ADAMTS17: variants seen among roughly 807,000 people sequenced by gnomAD.
The protein encoded by ADAMTS17 is A disintegrin and metalloproteinase with thrombospondin motifs 17.
Under a neutral mutation model 141.5 loss-of-function variants are expected in ADAMTS17, and 113 were observed. The ratio of observed to expected loss-of-function variants is 0.80; its 90% CI spans 0.69 to 0.93. The LOEUF (loss-of-function observed/expected upper bound fraction) is 0.93, where lower values mean the gene tolerates loss of function less well. Ranked by LOEUF, ADAMTS17 falls within the 40% of genes least tolerant of loss-of-function variation. The pLI, the probability that ADAMTS17 is intolerant of heterozygous loss-of-function variation, is 0.00. For synonymous variants in ADAMTS17, 768 were observed against 630.6 expected (o/e 1.22, Z -3.27); for missense variants, 1,659 against 1,517.9 (o/e 1.09, Z -1.54).
intron 18 of ADAMTS17, among the ~76,000 whole-genome samples, chr15:100,026,681 C>A (rs923264708): frequency 2.6e-5 from 4 of 152,376 alleles, no homozygotes; most frequent in Middle Eastern, 3.4e-3. Context: ...TGTCTTGCTG[C>A]TGCCCGAGGC....
chr15:100,168,033 C>T (rs113746535), intron 8 of ADAMTS17, among the ~76,000 whole-genome samples: 47 of 152,306 alleles, frequency 3.1e-4, no homozygotes, highest in African/African-American at 9.6e-4. Flanking sequence ...CTCTAAACAC[C>T]GCAGGACGAA....
At chr15:100,304,318 G>A (rs1386298412) in intron 3 of ADAMTS17, among the ~76,000 whole-genome samples, 3 of 152,162 alleles carry the variant, frequency 2.0e-5, no homozygotes, top group African/African-American at 7.2e-5. Flanking sequence ...TGGCCTGCTG[G>A]ATTTTCATTT....
chr15:100,258,881 G>A (rs2141984457), intron 6 of ADAMTS17, among the ~76,000 whole-genome samples: 1 of 152,310 alleles, frequency 6.6e-6, no homozygotes, highest in Middle Eastern at 3.4e-3. Flanking sequence ...CATGACTGCT[G>A]ATGTCTCCTT....
At chr15:100,052,942 C>T (rs1034534204) in intron 16 of ADAMTS17, among the ~76,000 whole-genome samples, 8 of 152,252 alleles carry the variant, frequency 5.3e-5, no homozygotes, top group Admixed American at 2.6e-4. Flanking sequence ...CAGCGCTCCC[C>T]GGCAGAGCCA....
Position 99,974,506 on chromosome 15 carries a change from G to A in ADAMTS17, c.3184C>T (p.Arg1062Ter), listed in dbSNP as rs756890553. The A allele has an allele frequency of 1.2e-5, 19 of 1,614,216 alleles. No individual in the cohort carries two copies. Among genetic ancestry groups the A allele is most frequent in the East Asian group, 2.2e-5 (1 of 44,882 alleles). The change falls in exon 22 of 22, where the codon CGA becomes TGA. Residue 1062 changes from arginine to a stop codon, truncating the protein, a stop_gained. Transcript: ENST00000268070. LOFTEE classifies it high-confidence loss of function. ...DQWTVYCRVI[R>*]EKNLCQDMRW... is the part of the protein sequence containing the mutation. ...ATGTCCTGGCAGAGGTTCTTTTCTC[G>A]GATGACCCGGCAATATACCGTCCAC... is the stretch of plus-strand genomic sequence containing the variant.
chr15:100,290,850 G>A (rs374257163), intron 3 of ADAMTS17, among the ~76,000 whole-genome samples: 4 of 151,996 alleles, frequency 2.6e-5, no homozygotes, highest in Admixed American at 1.3e-4. Context: ...AAATTAACTC[G>A]GGATGGATTA....
intron 14 of ADAMTS17, among the ~76,000 whole-genome samples, chr15:100,103,134 C>T (rs28562436): frequency 0.13 from 19,847 of 152,148 alleles, 1,758 homozygotes; most frequent in African/African-American, 0.26. Flanking sequence ...GTGGCTTGGT[C>T]TGCTGGCTTC....
At chr15:100,003,370 C>T (rs1424422709) in intron 18 of ADAMTS17, among the ~76,000 whole-genome samples, 2 of 152,026 alleles carry the variant, frequency 1.3e-5, no homozygotes, top group African/African-American at 4.8e-5. Context: ...GAACACGGGG[C>T]TGTGGGGGCC....
At chr15:100,154,403 C>T (rs1346577537) in intron 9 of ADAMTS17, among the ~76,000 whole-genome samples, 1 of 152,178 alleles carries the variant, frequency 6.6e-6, no homozygotes, top group Non-Finnish European at 1.5e-5. Flanking sequence ...AGGATGGCAC[C>T]TTTGCCACTA....
At chr15:100,000,379 A>G (rs1215618816) in intron 18 of ADAMTS17, among the ~76,000 whole-genome samples, 2 of 152,140 alleles carry the variant, frequency 1.3e-5, no homozygotes, top group Non-Finnish European at 2.9e-5. Context: ...CAGATGTTCA[A>G]TCCCTCCCAT....
chr15:100,325,665 C>T (rs184390004), intron 3 of ADAMTS17, among the ~76,000 whole-genome samples: 9 of 152,276 alleles, frequency 5.9e-5, no homozygotes, highest in Admixed American at 2.0e-4. Flanking sequence ...TCTTCGCTCT[C>T]TCTCGTTCCC....
intron 12 of ADAMTS17, among the ~76,000 whole-genome samples, chr15:100,123,356 G>C (rs900677014): frequency 2.0e-5 from 3 of 152,222 alleles, no homozygotes; most frequent in Non-Finnish European, 4.4e-5. Context: ...ATAAAGAACA[G>C]TTAATATAAG....
chr15:100,341,151 C>T lies in ADAMTS17; in HGVS notation c.338G>A (p.Gly113Asp). ...GGGGCGGCCGCGGCGCCGGGCCGCGCCCGCCTCCTCCACCTCGAAGCCTCG... is the reference window on the plus strand; with the variant it reads ...GGGGCGGCCGCGGCGCCGGGCCGCGTCCGCCTCCTCCACCTCGAAGCCTCG... ...LSRGFEVEEA[G>D]AARRRGRPAE... The change falls in exon 2 of 22, where the codon GGC (glycine) becomes GAC (aspartate). Residue 113 changes from glycine to aspartate, a missense_variant. Coordinates refer to ENST00000268070, the MANE Select transcript of ADAMTS17 (RefSeq NM_139057.4). The T allele has an allele frequency of 1.4e-6, 2 of 1,452,958 alleles. No individual in the cohort carries two copies. The highest frequency in any genetic ancestry group is 2.6e-5 in the Admixed American group (1 of 38,826). 90.0% of individuals were successfully genotyped at this position (1,452,958 alleles called of 1,614,324 possible).
At chr15:100,252,580 G>A (rs953231714) in intron 7 of ADAMTS17, among the ~76,000 whole-genome samples, 1 of 152,218 alleles carries the variant, frequency 6.6e-6, no homozygotes, top group East Asian at 1.9e-4. Flanking sequence ...GCCACTCCTA[G>A]AAACAGCACA....
Position 100,258,330 on chromosome 15 carries a change from A to G in ADAMTS17, c.1031+3149T>C, listed in dbSNP as rs183055834. On this transcript the variant is annotated intron_variant, in intron 6 of 21. Coordinates refer to ENST00000268070, the MANE Select transcript of ADAMTS17 (RefSeq NM_139057.4). ...TGTGGCTGTACCATTTTACATTCCC[A>G]TCGATGGTGCACAGAAGAGTTCAAA... 1.2e-3 allele frequency among the ~76,000 whole-genome samples: 189 copies of G among 152,250 alleles called. 1 individual carries two copies. The highest frequency in any genetic ancestry group is 4.5e-3 in the African/African-American group (185 of 41,548).
chr15:99,975,720 T>G (rs2060308464), intron 21 of ADAMTS17, among the ~76,000 whole-genome samples: 1 of 152,152 alleles, frequency 6.6e-6, no homozygotes. Flanking sequence ...GAGCTTTCAT[T>G]TCTAGAAAGA....
At chr15:99,996,966 A>G (rs1248723458) in intron 19 of ADAMTS17, among the ~76,000 whole-genome samples, 2 of 152,194 alleles carry the variant, frequency 1.3e-5, no homozygotes, top group Non-Finnish European at 2.9e-5. Flanking sequence ...CTTGCACACT[A>G]AAAGCTGTCC....
In ADAMTS17 at chr15:100,199,407, T is replaced by C; in HGVS notation, c.1092A>G (p.Gly364=). Residue 364 remains glycine (G), a synonymous_variant, in exon 8 of 22, where the codon GGA becomes GGG. Transcript: ENST00000268070. ...ACTTCCTCTTAGCACTGCACACACC[T>C]CCTAAGTAAGCAATTCCTGCAGCAG... is the stretch of plus-strand genomic sequence containing the variant. The part of the protein sequence containing the change: ...PCDTVGIAYL[G]GVCSAKRKCV... 1 of 1,614,004 alleles carries C rather than the reference T, an allele frequency of 6.2e-7. No homozygotes were observed. The highest frequency in any genetic ancestry group is 2.2e-5 in the East Asian group (1 of 44,866).
intron 6 of ADAMTS17, among the ~76,000 whole-genome samples, chr15:100,258,978 T>C (rs184344085): frequency 1.2e-3 from 180 of 151,134 alleles, no homozygotes; most frequent in Admixed American, 3.2e-3. Flanking sequence ...CATCCCCAAA[T>C]GCAGACCACT....
Sources: allele counts gnomAD v4.1 joint callset (sites outside exome capture counted in the v4.1 genomes callset), GRCh38; gene constraint gnomAD v4.1.1; transcripts MANE v1.5; gene names NCBI Gene and HGNC (gene_info 2026-07-23, HGNC 2026-07-21).